The following CDK5RAP2 variants were observed in gnomAD, a reference collection of about 807,000 sequenced individuals.
CDK5RAP2 encodes the protein CDK5 regulatory subunit associated protein 2, also known as CDK5 regulatory subunit-associated protein 2.
Under a neutral mutation model 232.9 loss-of-function variants are expected in CDK5RAP2, and 147 were observed. That is an observed-to-expected ratio of 0.63 (90% CI 0.55 to 0.72). The LOEUF is 0.72. CDK5RAP2 is among the 30% of genes least tolerant of loss of function. The pLI is 0.00. For synonymous variants in CDK5RAP2, 833 were observed against 833.7 expected (o/e 1.00, Z 0.01); for missense variants, 2,195 against 2,231.5 (o/e 0.98, Z 0.33).
intron 27 of CDK5RAP2, among the ~76,000 whole-genome samples, chr9:120,419,261 T>A (rs994980553): frequency 1.3e-5 from 2 of 152,182 alleles, no homozygotes; most frequent in African/African-American, 2.4e-5. Flanking sequence ...AAGTCACCCA[T>A]TCTATGGCGT....
At chr9:120,416,025 T>TA (rs1288232541) in intron 27 of CDK5RAP2, among the ~76,000 whole-genome samples, 4 of 151,910 alleles carry the variant, frequency 2.6e-5, no homozygotes, top group Non-Finnish European at 5.9e-5. Flanking sequence ...AATCACAACT[T>TA]ATAGAAAAAA....
chr9:120,554,508 A>G (rs1325072272), intron 3 of CDK5RAP2, among the ~76,000 whole-genome samples: 1 of 152,242 alleles, frequency 6.6e-6, no homozygotes, highest in Non-Finnish European at 1.5e-5. Flanking sequence ...CAACCTAGAC[A>G]TGCTACTTCT....
intron 25 of CDK5RAP2, among the ~76,000 whole-genome samples, chr9:120,431,930 T>C (rs2035307056): frequency 1.3e-5 from 2 of 152,238 alleles, no homozygotes; most frequent in African/African-American, 4.8e-5. Flanking sequence ...ATCTAAGTTA[T>C]AGACCCTCAC....
intron 7 of CDK5RAP2, among the ~76,000 whole-genome samples, chr9:120,531,032 A>G (rs867589803): frequency 1.9e-4 from 29 of 152,146 alleles, no homozygotes; most frequent in Admixed American, 2.0e-4. Context: ...AAATAAAAAA[A>G]TAAAAAACGG....
intron 5 of CDK5RAP2, among the ~76,000 whole-genome samples, chr9:120,543,814 T>C (rs1317473232): frequency 2.0e-5 from 3 of 152,148 alleles, no homozygotes; most frequent in South Asian, 4.1e-4. Context: ...GCCGAGATCA[T>C]GCCACTGCAC....
At chr9:120,560,917 G>A (rs542488613) in intron 3 of CDK5RAP2, among the ~76,000 whole-genome samples, 1 of 151,312 alleles carries the variant, frequency 6.6e-6, no homozygotes. Flanking sequence ...GCACCCAGCC[G>A]ATATTGTCTA....
rs2132265118 is a variant in CDK5RAP2 at position 120,580,040 on chromosome 9, A to G, written c.-62T>C. 9.0e-7 allele frequency: 1 copy of G among 1,114,778 alleles called. No homozygotes were observed. Among genetic ancestry groups the G allele is most frequent in the Non-Finnish European group, 1.3e-6 (1 of 740,830 alleles). The allele number at this position is 1,114,778 out of a possible 1,614,324, so 69.1% of individuals were successfully genotyped here. A position where few individuals can be genotyped will look rare whatever the true frequency, so the allele number is the denominator to read the frequency against. On this transcript the variant is annotated 5_prime_UTR_variant, in exon 1 of 38. Coordinates refer to ENST00000349780, the MANE Select transcript of CDK5RAP2 (RefSeq NM_018249.6). Reference sequence around the variant, plus strand: ...GGCGGCGCCACTAGTACCCCCCGCGATAGCGACCCGCCGGGCTCCCCAGGT... The same window carrying G: ...GGCGGCGCCACTAGTACCCCCCGCGGTAGCGACCCGCCGGGCTCCCCAGGT...
chr9:120,518,202 TGTGTGTGTGAGAGAGAGAGA>T lies in CDK5RAP2; in HGVS notation c.1311+205_1311+224del, dbSNP rs1363189312. Among the ~76,000 whole-genome samples, 241 of 108,316 alleles carry T rather than the reference TGTGTGTGTGAGAGAGAGAGA, an allele frequency of 2.2e-3. 4 individuals are homozygous for T. Among genetic ancestry groups the T allele is most frequent in the African/African-American group, 8.9e-3 (227 of 25,388 alleles). 71.1% of individuals were successfully genotyped at this position (108,316 alleles called of 152,430 possible). A position where few individuals can be genotyped will look rare whatever the true frequency, so the allele number is the denominator to read the frequency against. On this transcript the variant is annotated intron_variant, in intron 12 of 37. Coordinates refer to ENST00000349780, the MANE Select transcript of CDK5RAP2 (RefSeq NM_018249.6). ...GTGTGTGTGTGTGTGTGTGTGTGTG[TGTGTGTGTGAGAGAGAGAGA>T]GAGAGAGAGAGAGAGAGAGAGCGAG...
At chr9:120,430,295 T>C (rs1286262720) in intron 25 of CDK5RAP2, among the ~76,000 whole-genome samples, 1 of 151,966 alleles carries the variant, frequency 6.6e-6, no homozygotes. Context: ...TCTGCACAGC[T>C]AAAGAAACTA....
At chr9:120,549,589 G>C (rs1025097075) in intron 4 of CDK5RAP2, among the ~76,000 whole-genome samples, 1 of 152,138 alleles carries the variant, frequency 6.6e-6, no homozygotes, top group Non-Finnish European at 1.5e-5. Context: ...TTCTTCCCCT[G>C]TAAGATGAAG....
chr9:120,555,095 T>C (rs1224944234), intron 3 of CDK5RAP2, among the ~76,000 whole-genome samples: 2 of 126,806 alleles, frequency 1.6e-5, no homozygotes. Flanking sequence ...CTACAAAAAA[T>C]GAGATACCGT....
At chr9:120,461,119 A>C (rs2037065939) in intron 18 of CDK5RAP2, among the ~76,000 whole-genome samples, 1 of 152,268 alleles carries the variant, frequency 6.6e-6, no homozygotes, top group East Asian at 1.9e-4. Flanking sequence ...GGTGTGCCCA[A>C]TTTATGCATC....
chr9:120,535,009 G>C (rs1476692001), intron 7 of CDK5RAP2, among the ~76,000 whole-genome samples: 1 of 152,220 alleles, frequency 6.6e-6, no homozygotes, highest in Non-Finnish European at 1.5e-5. Flanking sequence ...GCACTTCCCA[G>C]GGAAGTTTCT....
At chr9:120,539,988 G>C (rs898678987) in intron 5 of CDK5RAP2, among the ~76,000 whole-genome samples, 1 of 152,202 alleles carries the variant, frequency 6.6e-6, no homozygotes, top group African/African-American at 2.4e-5. Flanking sequence ...AAATGCATCA[G>C]GATCAATCTG....
chr9:120,453,572 C>A lies in CDK5RAP2; in HGVS notation c.2677G>T (p.Ala893Ser), dbSNP rs539796375. Reference sequence around the variant, plus strand: ...GTGTTGATCGGTTTCTCTTCCCAAGCCTCTCTTGTTGCTTCATGCTTGAAT... The same window carrying A: ...GTGTTGATCGGTTTCTCTTCCCAAGACTCTCTTGTTGCTTCATGCTTGAAT... ...LRFKHEATRE[A>S]WEEKPINTAL... Residue 893 changes from alanine to serine, a missense_variant, in exon 21 of 38, where the codon GCT (alanine) becomes TCT (serine). Coordinates refer to ENST00000349780, the MANE Select transcript of CDK5RAP2 (RefSeq NM_018249.6). 98 of 1,614,186 alleles carry A rather than the reference C, an allele frequency of 6.1e-5. No homozygotes were observed. The East Asian group carries it at 2.1e-3, about 34-fold the overall frequency.
At position 120,411,430 on chromosome 9, in the gene CDK5RAP2, G is replaced by C; in HGVS notation, c.4342C>G (p.Leu1448Val). Residue 1448 changes from leucine (L) to valine (V), a missense_variant, in exon 29 of 38, where the codon CTA becomes GTA. Coordinates refer to ENST00000349780, the MANE Select transcript of CDK5RAP2 (RefSeq NM_018249.6). ...FASGSELHSS[L>V]TSEIHFLRKQ... ...CTCAAGAAATGAATTTCTGATGTTA[G>C]AGAACTATGAAGCTCTGAACCAGAA... The C allele has an allele frequency of 6.2e-7, 1 of 1,613,416 alleles. No homozygotes were observed. The highest frequency in any genetic ancestry group is 1.7e-4 in the Middle Eastern group (1 of 5,996).
chr9:120,571,503 G>A (rs1035401699), intron 2 of CDK5RAP2, among the ~76,000 whole-genome samples: 1 of 152,148 alleles, frequency 6.6e-6, no homozygotes, highest in Non-Finnish European at 1.5e-5. Context: ...TATTTACTCA[G>A]AGCCGTCTCC....
chr9:120,420,935 T>C (rs2034531174), intron 26 of CDK5RAP2, among the ~76,000 whole-genome samples: 2 of 152,164 alleles, frequency 1.3e-5, no homozygotes, highest in Admixed American at 1.3e-4. Flanking sequence ...AAAACAAATC[T>C]GTCAGAAATG....
At chr9:120,469,333 A>G (rs956056894) in intron 17 of CDK5RAP2, among the ~76,000 whole-genome samples, 2 of 152,114 alleles carry the variant, frequency 1.3e-5, no homozygotes, top group Non-Finnish European at 2.9e-5. Flanking sequence ...CCATACAGGC[A>G]ATTAGCCTCT....
Sources: gnomAD v4.1 joint callset for allele counts (sites outside exome capture counted in the v4.1 genomes callset) on GRCh38, gnomAD v4.1.1 for gene constraint, MANE v1.5 for transcripts, NCBI Gene and HGNC (gene_info 2026-07-23, HGNC 2026-07-21) for gene names.